The following YEATS2 variants were observed in gnomAD, a reference collection of about 807,000 sequenced individuals.
The protein encoded by YEATS2 is YEATS domain containing 2, also known as YEATS domain-containing protein 2.
YEATS2 carries 77 observed loss-of-function variants against 163.2 expected under a neutral mutation model. The observed-to-expected ratio is 0.47, with a 90% CI of 0.39 to 0.57. The LOEUF (loss-of-function observed/expected upper bound fraction) is 0.57. YEATS2 is among the 20% of genes least tolerant of loss of function. The pLI is 0.00. For synonymous variants in YEATS2, 631 were observed against 645.1 expected (o/e 0.98, Z 0.33); for missense variants, 1,549 against 1,729.8 (o/e 0.90, Z 1.85).
chr3:183,805,559 CAGG>C (rs972252396), intron 27 of YEATS2, among the ~76,000 whole-genome samples: 6 of 152,044 alleles, frequency 3.9e-5, no homozygotes, highest in Non-Finnish European at 8.8e-5. Flanking sequence ...GAGGCTGAGG[CAGG>C]AGGATTGTTT....
chr3:183,715,490 CTG>C (rs948167803), intron 2 of YEATS2, among the ~76,000 whole-genome samples: 87 of 152,202 alleles, frequency 5.7e-4, no homozygotes, highest in African/African-American at 1.9e-3. Flanking sequence ...GCGAGACAAA[CTG>C]TGAGTTTTAG....
Position 183,717,678 on chromosome 3 carries a change from A to G in YEATS2, c.128A>G (p.Glu43Gly), listed in dbSNP as rs1716040038. ...CGAGATGCTGCTGTGCAGAAGATTG[A>G]GACTATTATCAAAGAACAGTTTGCT... ...SARDAAVQKI[E>G]TIIKEQFALE... The change falls in exon 3 of 31, where the codon GAG (glutamate) becomes GGG (glycine). Residue 43 changes from glutamate to glycine, a missense_variant. Physicochemically the swap from Glu to Gly is moderately conservative, Grantham distance 98 (BLOSUM62 -2). Transcript: ENST00000305135. 5 of 1,567,024 alleles carry G rather than the reference A, an allele frequency of 3.2e-6. No individual in the cohort carries two copies. Among genetic ancestry groups the G allele is most frequent in the Non-Finnish European group, 4.3e-6 (5 of 1,164,022 alleles).
chr3:183,747,633 G>A, intron 8 of YEATS2, 39 bp from the exon 9 acceptor site: 2 of 1,569,572 alleles, frequency 1.3e-6, no homozygotes, highest in Non-Finnish European at 1.8e-6. Context: ...GTAAGTAAGT[G>A]CAGTGAAATT....
rs1467411703 is a variant in YEATS2, at chr3:183,771,307, T to C, written c.1948-998T>C. Among the ~76,000 whole-genome samples, 3 of 152,334 alleles carry C rather than the reference T, an allele frequency of 2.0e-5. No homozygotes were observed. The East Asian group carries it at 5.8e-4, about 29-fold the overall frequency. On this transcript the variant is annotated intron_variant, in intron 15 of 30. Transcript: ENST00000305135. Reference sequence around the variant, plus strand: ...CCAACCTTGTGGAAGTCTGTTCATCTAGTTTCTGGTGAGAAGTTCTTTTTA... The same window carrying C: ...CCAACCTTGTGGAAGTCTGTTCATCCAGTTTCTGGTGAGAAGTTCTTTTTA...
At chr3:183,723,989 T>G (rs1256755403) in intron 5 of YEATS2, among the ~76,000 whole-genome samples, 1 of 152,220 alleles carries the variant, frequency 6.6e-6, no homozygotes, top group Non-Finnish European at 1.5e-5. Flanking sequence ...CTATATGTAT[T>G]TATATAGCAA....
chr3:183,782,056 TTATC>T (rs1389149385), intron 19 of YEATS2, among the ~76,000 whole-genome samples: 1 of 152,184 alleles, frequency 6.6e-6, no homozygotes, highest in African/African-American at 2.4e-5. Flanking sequence ...TTTCCAAGAT[TTATC>T]TATATGTGTG....
At chr3:183,772,886 C>T (rs773995941) in intron 16 of YEATS2, among the ~76,000 whole-genome samples, 1 of 152,032 alleles carries the variant, frequency 6.6e-6, no homozygotes, top group South Asian at 2.1e-4. Flanking sequence ...ATCCACAGTC[C>T]CCTGTGTAAA....
At chr3:183,729,363 A>C (rs1001120516) in intron 7 of YEATS2, among the ~76,000 whole-genome samples, 1 of 152,056 alleles carries the variant, frequency 6.6e-6, no homozygotes, top group Admixed American at 6.6e-5. Flanking sequence ...TACCACACTA[A>C]TTATATTAAC....
intron 7 of YEATS2, among the ~76,000 whole-genome samples, chr3:183,733,860 T>A (rs1718064667): frequency 6.6e-6 from 1 of 151,840 alleles, no homozygotes; most frequent in Non-Finnish European, 1.5e-5. Context: ...TTTTTTTAGG[T>A]ACAAGATAGT....
At position 183,801,463 on chromosome 3, in the gene YEATS2, A is replaced by G. The variant is rs748012090; in HGVS notation, c.3437A>G (p.His1146Arg). 2 of 1,609,156 alleles carry G rather than the reference A, an allele frequency of 1.2e-6. No homozygotes were observed. The highest frequency in any genetic ancestry group is 2.2e-5 in the East Asian group (1 of 44,772). The change falls in exon 25 of 31, where the codon CAT becomes CGT. Residue 1146 changes from histidine to arginine, a missense_variant. By Grantham distance (29) the His-to-Arg change is conservative. Transcript: ENST00000305135. ...ELGNYVIKIDHLETIQQLLTA... is the reference protein window; with the variant it reads ...ELGNYVIKIDRLETIQQLLTA... ...TTTTTTATCTCTCTCAGGATAGACC[A>G]TTTAGAAACTATCCAGCAACTCCTA...
At chr3:183,731,868 G>A (rs945034592) in intron 7 of YEATS2, among the ~76,000 whole-genome samples, 2 of 152,236 alleles carry the variant, frequency 1.3e-5, no homozygotes, top group African/African-American at 4.8e-5. Flanking sequence ...GCAGTTAGCT[G>A]TTCACAGCCT....
chr3:183,793,565 A>AAGAT (rs1167677982), intron 21 of YEATS2: 13 of 424,362 alleles, frequency 3.1e-5, no homozygotes, highest in Non-Finnish European at 4.1e-5. Flanking sequence ...CTAGTTTCCT[A>AAGAT]AGATGCTGCT....
At chr3:183,752,009 G>A (rs971411992) in intron 9 of YEATS2, 64 bp from the exon 10 acceptor site, 5 of 1,573,812 alleles carry the variant, frequency 3.2e-6, no homozygotes, top group Non-Finnish European at 3.5e-6. Context: ...TTCTTGGACG[G>A]GACTTGAGCT....
chr3:183,798,371 T>A (rs1560329858), intron 22 of YEATS2, among the ~76,000 whole-genome samples: 1 of 152,218 alleles, frequency 6.6e-6, no homozygotes, highest in Non-Finnish European at 1.5e-5. Flanking sequence ...CCTTTTCTTT[T>A]GAGACAGAGT....
intron 14 of YEATS2, among the ~76,000 whole-genome samples, 176 bp from the exon 15 acceptor site, chr3:183,761,921 T>C (rs1379365594): frequency 1.3e-5 from 2 of 152,222 alleles, no homozygotes; most frequent in African/African-American, 4.8e-5. Flanking sequence ...CTTTAATAGC[T>C]GGTATGGACT....
chr3:183,738,108 G>GT (rs1349431635), intron 8 of YEATS2, among the ~76,000 whole-genome samples: 1 of 152,154 alleles, frequency 6.6e-6, no homozygotes, highest in Non-Finnish European at 1.5e-5. Flanking sequence ...ATTGATCAGT[G>GT]TTTTGTGGAT....
rs112874863 is a variant in YEATS2, at chr3:183,803,974, T to A, written c.3583-13T>A. The A allele has an allele frequency of 1.8e-4, 267 of 1,502,918 alleles. 1 individual carries two copies. In the East Asian group the frequency reaches 4.2e-3, roughly 24 times the overall value. 93.1% of individuals were successfully genotyped at this position (1,502,918 alleles called of 1,614,324 possible). On this transcript the variant is annotated splice_polypyrimidine_tract_variant and intron_variant, in intron 26 of 30. Coordinates refer to ENST00000305135, the MANE Select transcript of YEATS2 (RefSeq NM_018023.5). ...ATTTGATTATGGTTCCAAAAGAAAA[T>A]TTTTTTTTTAAGTGGCAAAGAGCAA...
Position 183,714,970 on chromosome 3 carries a change from GTA to G in YEATS2, c.-19-170_-19-169del, listed in dbSNP as rs547777362. On this transcript the variant is annotated intron_variant, in intron 1 of 30. Coordinates refer to ENST00000305135, the MANE Select transcript of YEATS2 (RefSeq NM_018023.5). ...AGGCTTTTGGCCTTAAAAGAAATAT[GTA>G]TATGTGTGTATATACACATACCCAC... is the stretch of plus-strand genomic sequence containing the variant. Among the ~76,000 whole-genome samples, 57 of 151,490 alleles carry G rather than the reference GTA, an allele frequency of 3.8e-4. No homozygotes were observed. In the East Asian group the frequency reaches 0.011, roughly 29 times the overall value.
intron 9 of YEATS2, among the ~76,000 whole-genome samples, chr3:183,749,886 C>T (rs1272996577): frequency 1.3e-5 from 2 of 152,096 alleles, no homozygotes; most frequent in Non-Finnish European, 2.9e-5. Flanking sequence ...GGCTCGATCT[C>T]GGCTCACTGC....
Sources: gnomAD v4.1 joint callset for allele counts (sites outside exome capture counted in the v4.1 genomes callset) on GRCh38, gnomAD v4.1.1 for gene constraint, MANE v1.5 for transcripts, NCBI Gene and HGNC (gene_info 2026-07-23, HGNC 2026-07-21) for gene names.